RAB11FIP1: variants seen among roughly 807,000 people sequenced by gnomAD.
RAB11FIP1 encodes RAB11 family interacting protein 1.
RAB11FIP1 carries 49 observed loss-of-function variants against 83.1 expected under a neutral mutation model. The observed-to-expected ratio is 0.59, with a 90% confidence interval of 0.47 to 0.75. RAB11FIP1 has a LOEUF of 0.75. Among genes scored for constraint, RAB11FIP1 ranks in the 30% least tolerant of loss-of-function variants. RAB11FIP1 has a pLI of 0.00. For missense variants in RAB11FIP1, 1,536 were observed against 1,598.7 expected, an observed-to-expected ratio of 0.96 and a Z score of 0.67; for synonymous variants, 670 against 656.0, an observed-to-expected ratio of 1.02 and a Z score of -0.33.
intron 3 of RAB11FIP1, 21 bp downstream of exon 3, chr8:37,874,494 A>C (rs761847774): frequency 6.2e-7 from 1 of 1,604,192 alleles, no homozygotes; most frequent in Non-Finnish European, 8.5e-7. Context: ...AATGCCCTGC[A>C]CGAGAAGAGC....
intron 3 of RAB11FIP1, among the ~76,000 whole-genome samples, chr8:37,874,093 T>C (rs1806548111): frequency 6.6e-6 from 1 of 152,252 alleles, no homozygotes; most frequent in African/African-American, 2.4e-5. Flanking sequence ...GGGTCTCTCA[T>C]ACCAGAAACC....
At chr8:37,871,239 T>C (rs946759972) in intron 4 of RAB11FIP1, 39 bp downstream of exon 4, 4 of 1,549,960 alleles carry the variant, frequency 2.6e-6, no homozygotes, top group East Asian at 2.2e-5. Flanking sequence ...AAGGGGGACA[T>C]TGCTCACATT....
chr8:37,867,285 G>C (rs543340024), intron 5 of RAB11FIP1, among the ~76,000 whole-genome samples: 1 of 152,356 alleles, frequency 6.6e-6, no homozygotes, highest in East Asian at 1.9e-4. Flanking sequence ...ACAGAAGCCA[G>C]GCAAGCTGGT....
intron 5 of RAB11FIP1, among the ~76,000 whole-genome samples, chr8:37,867,089 C>T (rs1806355526): frequency 6.6e-6 from 1 of 152,150 alleles, no homozygotes; most frequent in Non-Finnish European, 1.5e-5. Flanking sequence ...TGCTAACTTC[C>T]CAGAAACAAG....
In RAB11FIP1 at chr8:37,899,325, G is replaced by T; in HGVS notation, c.117C>A (p.Ser39Arg). ...GLRAKGPGGT[S>R]DAYAVIQVGK... ...CCACCTGGATCACCGCGTACGCGTCGCTCGTGCCCCCGGGGCCCTTGGCCC... is the reference window on the plus strand; with the variant it reads ...CCACCTGGATCACCGCGTACGCGTCTCTCGTGCCCCCGGGGCCCTTGGCCC... The change falls in exon 1 of 6, where the codon AGC becomes AGA. Residue 39 changes from serine (S) to arginine (R), a missense_variant. By Grantham distance (110) the Ser-to-Arg change is moderately radical (BLOSUM62 -1). Coordinates refer to ENST00000330843, the MANE Select transcript of RAB11FIP1 (RefSeq NM_001002814.3). This position sits in a 1 kb window ranked among gnomAD's most constrained non-coding sequence, Gnocchi z 4.5. 1 of 1,609,412 alleles carries T rather than the reference G, an allele frequency of 6.2e-7. No individual in the cohort carries two copies.
In RAB11FIP1 at chr8:37,878,719, G is replaced by A. The variant is rs186261665; in HGVS notation, c.372-1168C>T. The stretch of plus-strand genomic sequence containing the variant: ...AAAAAAAAAAAAAAGTGGGGAGGGG[G>A]TTGGGCATGGTGGCTCACACCTGTA... On this transcript the variant is annotated intron_variant, in intron 1 of 5. Coordinates refer to ENST00000330843, the MANE Select transcript of RAB11FIP1 (RefSeq NM_001002814.3). 8.7e-4 allele frequency among the ~76,000 whole-genome samples: 131 copies of A among 151,244 alleles called. 1 individual carries two copies. Among genetic ancestry groups the A allele is most frequent in the African/African-American group, 2.7e-3 (110 of 41,272 alleles).
At chr8:37,894,537 T>C (rs1240426678) in intron 1 of RAB11FIP1, among the ~76,000 whole-genome samples, 1 of 152,004 alleles carries the variant, frequency 6.6e-6, no homozygotes, top group African/African-American at 2.4e-5. Flanking sequence ...TGGGGAGGAC[T>C]ATCGCAATAT....
Position 37,874,822 on chromosome 8 carries a change from G to C in RAB11FIP1, c.1315C>G (p.Leu439Val). Residue 439 changes from leucine to valine, a missense_variant, in exon 3 of 6, where the codon CTG becomes GTG. Coordinates refer to ENST00000330843, the MANE Select transcript of RAB11FIP1 (RefSeq NM_001002814.3). ...PESRRSSLLS[L>V]MTGKKDVAKG... ...GCCACATCCTTCTTCCCCGTCATCA[G>C]AGACAGCAAAGAGGACCTCCTGCTC... 2 of 1,614,142 alleles carry C rather than the reference G, an allele frequency of 1.2e-6. 1 individual carries two copies. The highest frequency in any genetic ancestry group is 2.2e-5 in the South Asian group (2 of 91,084).
At chr8:37,869,646 C>T (rs1290257650) in intron 5 of RAB11FIP1, among the ~76,000 whole-genome samples, 1 of 152,044 alleles carries the variant, frequency 6.6e-6, no homozygotes, top group Non-Finnish European at 1.5e-5. Context: ...TTAGGAATTA[C>T]ATAGTTAAGT....
At position 37,875,131 on chromosome 8, in the gene RAB11FIP1, T is replaced by G. The variant is rs372088404; in HGVS notation, c.1006A>C (p.Lys336Gln). ...LEQPEAKGEI[K>Q]DSSPSSSPSP... The stretch of plus-strand genomic sequence containing the variant: ...GGGGAGGAGGACGGGCTGCTATCCT[T>G]GATCTCACCCTTGGCTTCTGGCTGC... The change falls in exon 3 of 6, where the codon AAG becomes CAG. Residue 336 changes from lysine (K) to glutamine (Q), a missense_variant. By Grantham distance (53) the Lys-to-Gln change is moderately conservative (BLOSUM62 1). Coordinates refer to ENST00000330843, the MANE Select transcript of RAB11FIP1 (RefSeq NM_001002814.3). 6.2e-7 allele frequency: 1 copy of G among 1,614,168 alleles called. No individual in the cohort carries two copies. Among genetic ancestry groups the G allele is most frequent in the East Asian group, 2.2e-5 (1 of 44,876 alleles).
At position 37,874,996 on chromosome 8, in the gene RAB11FIP1, G is replaced by A; in HGVS notation, c.1141C>T (p.Leu381Phe). The change falls in exon 3 of 6, where the codon CTC (leucine) becomes TTC (phenylalanine). Residue 381 changes from leucine (L) to phenylalanine (F), a missense_variant. Transcript: ENST00000330843. ...GAGTCCTTGGTGGAAGATTCGGAGAGCTGCCTGTCAGAAGACAGCCCACCT... is the reference window on the plus strand; with the variant it reads ...GAGTCCTTGGTGGAAGATTCGGAGAACTGCCTGTCAGAAGACAGCCCACCT... ...EGGGLSSDRQ[L>F]SESSTKDSLK... The A allele has an allele frequency of 6.2e-7, 1 of 1,614,144 alleles. No individual in the cohort carries two copies. The highest frequency in any genetic ancestry group is 8.5e-7 in the Non-Finnish European group (1 of 1,180,024).
intron 5 of RAB11FIP1, among the ~76,000 whole-genome samples, chr8:37,865,596 A>G (rs1194869581): frequency 2.6e-5 from 4 of 152,194 alleles, no homozygotes; most frequent in Non-Finnish European, 5.9e-5. Flanking sequence ...CTGGGATTAC[A>G]GGCATGAGCC....
intron 1 of RAB11FIP1, among the ~76,000 whole-genome samples, chr8:37,889,487 A>G (rs1806901524): frequency 6.6e-6 from 1 of 152,188 alleles, no homozygotes; most frequent in Non-Finnish European, 1.5e-5. Flanking sequence ...CTCAAATGTA[A>G]ATGCCACTGA....
intron 2 of RAB11FIP1, 139 bp from the exon 3 acceptor site, chr8:37,875,461 A>T (rs981872501): frequency 2.2e-5 from 15 of 673,490 alleles, no homozygotes; most frequent in African/African-American, 7.2e-5. Flanking sequence ...TCCAGCAGGT[A>T]GAGGACAAGG....
At position 37,872,474 on chromosome 8, in the gene RAB11FIP1, G is replaced by GGGAA. The variant is rs1419583346; in HGVS notation, c.2324_2327dup (p.Met777SerfsTer10). 6.2e-7 allele frequency: 1 copy of GGGAA among 1,614,050 alleles called. No homozygotes were observed. Among genetic ancestry groups the GGGAA allele is most frequent in the Non-Finnish European group, 8.5e-7 (1 of 1,180,036 alleles). On this transcript the variant is annotated frameshift_variant, in exon 4 of 6. Coordinates refer to ENST00000330843, the MANE Select transcript of RAB11FIP1 (RefSeq NM_001002814.3). LOFTEE classifies it high-confidence loss of function. ...CAATGGAAGGGACTGATGCTCCCATGGGAAGAGGGGGCGCCACTTCTTCAG... is the reference window on the plus strand; with the variant it reads ...CAATGGAAGGGACTGATGCTCCCATGGGAAGGAAGAGGGGGCGCCACTTCTTCAG...
chr8:37,881,066 A>G (rs2130170294), intron 1 of RAB11FIP1, among the ~76,000 whole-genome samples: 1 of 152,358 alleles, frequency 6.6e-6, no homozygotes, highest in East Asian at 1.9e-4. Context: ...ACTTAGAGGA[A>G]AGGCACAGGG....
intron 5 of RAB11FIP1, among the ~76,000 whole-genome samples, chr8:37,864,145 T>A: frequency 6.6e-6 from 1 of 152,196 alleles, no homozygotes; most frequent in Non-Finnish European, 1.5e-5. Flanking sequence ...CCCGTGGCCG[T>A]CTAGGCACGC....
At chr8:37,885,201 G>T (rs555539575) in intron 1 of RAB11FIP1, among the ~76,000 whole-genome samples, 1 of 151,644 alleles carries the variant, frequency 6.6e-6, no homozygotes, top group East Asian at 1.9e-4. Flanking sequence ...CACCGTGATG[G>T]CCAGGCCGGT....
chr8:37,860,774 GAATT>G lies in RAB11FIP1; in HGVS notation c.*2117_*2120del, dbSNP rs1806217752. On this transcript the variant is annotated 3_prime_UTR_variant, in exon 6 of 6. Transcript: ENST00000330843. ...ACAGTGGTCCCAGTACTGTAGGAGA[GAATT>G]AAATAAAATAAAATAGCTGTAGATA... is the stretch of plus-strand genomic sequence containing the variant. 1 of 152,558 alleles carries G rather than the reference GAATT, an allele frequency of 6.6e-6. No homozygotes were observed. The highest frequency in any genetic ancestry group is 2.1e-4 in the South Asian group (1 of 4,824). The allele number at this position is 152,558 out of a possible 1,614,324, so 9.5% of individuals were successfully genotyped here. A position where few individuals can be genotyped will look rare whatever the true frequency, so the allele number is the denominator to read the frequency against.
Sources: gnomAD v4.1 joint callset for allele counts (sites outside exome capture counted in the v4.1 genomes callset) on GRCh38, gnomAD v4.1.1 for gene constraint, Gnocchi (gnomAD v3.1) non-coding constraint, MANE v1.5 for transcripts, NCBI Gene and HGNC (gene_info 2026-07-23, HGNC 2026-07-21) for gene names.